Variants in ARHGAP24 observed in about 807,000 individuals in gnomAD.
The protein encoded by ARHGAP24 is rho GTPase-activating protein 24.
In ARHGAP24, 50 loss-of-function variants were observed where a neutral mutation model predicts 76.4. The observed-to-expected ratio is 0.65, with a 90% CI of 0.52 to 0.83. The LOEUF (loss-of-function observed/expected upper bound fraction) is 0.83, where lower values mean the gene tolerates loss of function less well. Among genes scored for constraint, ARHGAP24 ranks in the 40% least tolerant of loss-of-function variants. The pLI, the probability that ARHGAP24 is intolerant of heterozygous loss-of-function variation, is 0.00. For missense variants in ARHGAP24, 930 were observed against 914.2 expected (o/e 1.02, Z -0.22); for synonymous variants, 345 against 323.3 (o/e 1.07, Z -0.72).
chr4:85,786,351 G>A (rs533423610), intron 3 of ARHGAP24, among the ~76,000 whole-genome samples: 1 of 152,256 alleles, frequency 6.6e-6, no homozygotes, highest in East Asian at 1.9e-4. Flanking sequence ...GCTGTCAGCA[G>A]GAATAACATC....
intron 3 of ARHGAP24, among the ~76,000 whole-genome samples, chr4:85,831,971 A>G (rs1338351284): frequency 2.0e-5 from 3 of 151,452 alleles, no homozygotes; most frequent in Non-Finnish European, 4.4e-5. Context: ...TTTTAAACGT[A>G]GGTTTTATTA....
intron 3 of ARHGAP24, among the ~76,000 whole-genome samples, chr4:85,772,637 G>A (rs1560625230): frequency 6.6e-6 from 1 of 152,118 alleles, no homozygotes; most frequent in Non-Finnish European, 1.5e-5. Flanking sequence ...AAGTCTTCCA[G>A]ACATGAAGAT....
chr4:85,919,482 C>T (rs1232201047), intron 3 of ARHGAP24, among the ~76,000 whole-genome samples: 1 of 152,092 alleles, frequency 6.6e-6, no homozygotes, highest in Non-Finnish European at 1.5e-5. Flanking sequence ...TATATTTACA[C>T]AAAGAATCAT....
At chr4:85,843,406 CG>C (rs1730708538) in intron 3 of ARHGAP24, among the ~76,000 whole-genome samples, 1 of 151,748 alleles carries the variant, frequency 6.6e-6, no homozygotes, top group Non-Finnish European at 1.5e-5. Flanking sequence ...AAACTCAAGA[CG>C]CAAATAGCAG....
intron 5 of ARHGAP24, among the ~76,000 whole-genome samples, chr4:85,950,369 G>A (rs1737540479): frequency 6.6e-6 from 1 of 152,062 alleles, no homozygotes; most frequent in Admixed American, 6.5e-5. Context: ...CTTTGGTGGT[G>A]CACAGTGGTA....
At chr4:85,919,586 G>T (rs1735613021) in intron 3 of ARHGAP24, among the ~76,000 whole-genome samples, 1 of 152,138 alleles carries the variant, frequency 6.6e-6, no homozygotes, top group South Asian at 2.1e-4. Context: ...ATGGGATTTT[G>T]TATCTGTGAT....
intron 3 of ARHGAP24, among the ~76,000 whole-genome samples, chr4:85,745,065 T>A (rs1238351263): frequency 6.6e-6 from 1 of 152,112 alleles, no homozygotes; most frequent in East Asian, 1.9e-4. Flanking sequence ...AGCAAGGTGC[T>A]TTCATCCTTA....
At chr4:85,886,975 C>G (rs1384876739) in intron 3 of ARHGAP24, among the ~76,000 whole-genome samples, 1 of 152,022 alleles carries the variant, frequency 6.6e-6, no homozygotes, top group East Asian at 1.9e-4. Flanking sequence ...ATCTCATTAT[C>G]AATCAGATAA....
At chr4:85,541,142 C>CTTTTTTTTTTTTTTTTTTTTTTTTTTT (rs70948733) in intron 1 of ARHGAP24, among the ~76,000 whole-genome samples, 1 of 49,740 alleles carries the variant, frequency 2.0e-5, no homozygotes, top group Non-Finnish European at 3.1e-5. Flanking sequence ...CATCCATGAC[C>CTTTTTTTTTTTTTTTTTTTTTTTTTTT]TTTTTTTTTT....
At chr4:85,706,020 G>T (rs1046124299) in intron 2 of ARHGAP24, among the ~76,000 whole-genome samples, 1 of 152,146 alleles carries the variant, frequency 6.6e-6, no homozygotes, top group Non-Finnish European at 1.5e-5. Context: ...GGTTGCAGGG[G>T]AGAGGGCACA....
intron 4 of ARHGAP24, among the ~76,000 whole-genome samples, chr4:85,925,695 C>T (rs186969): frequency 0.32 from 48,692 of 151,942 alleles, 8,064 homozygotes; most frequent in East Asian, 0.57. Flanking sequence ...TGTATGTATA[C>T]GAAAAATATA....
intron 2 of ARHGAP24, among the ~76,000 whole-genome samples, chr4:85,586,074 C>T (rs556107413): frequency 1.3e-5 from 2 of 152,184 alleles, no homozygotes; most frequent in South Asian, 4.1e-4. Flanking sequence ...GAGCATTTGC[C>T]CCACTCTGGG....
chr4:85,724,475 T>C (rs1725083452), intron 3 of ARHGAP24, among the ~76,000 whole-genome samples: 2 of 147,714 alleles, frequency 1.4e-5, no homozygotes, highest in African/African-American at 2.5e-5. Context: ...TATGTCCTTA[T>C]AATTTTTCCA....
chr4:85,529,856 G>A (rs1467192898), intron 1 of ARHGAP24, among the ~76,000 whole-genome samples: 5 of 151,916 alleles, frequency 3.3e-5, no homozygotes, highest in African/African-American at 4.8e-5. Flanking sequence ...GACTATGAGG[G>A]TTATTCCTTT....
chr4:85,769,682 C>T (rs896606660), intron 3 of ARHGAP24, among the ~76,000 whole-genome samples: 6 of 151,194 alleles, frequency 4.0e-5, no homozygotes, highest in Non-Finnish European at 8.8e-5. Flanking sequence ...ACTCTGTCAC[C>T]GGGCAAGCGA....
At chr4:85,898,006 CAT>C (rs10561420) in intron 3 of ARHGAP24, among the ~76,000 whole-genome samples, 1 of 134,172 alleles carries the variant, frequency 7.5e-6, no homozygotes, top group Admixed American at 8.3e-5. Context: ...TATATATACA[CAT>C]ATATATATAC....
intron 3 of ARHGAP24, among the ~76,000 whole-genome samples, chr4:85,792,211 C>T (rs540858145): frequency 6.6e-6 from 1 of 152,048 alleles, no homozygotes; most frequent in African/African-American, 2.4e-5. Context: ...TAATGTCATA[C>T]TCCAATAAAA....
chr4:85,932,716 A>G (rs939728508), intron 4 of ARHGAP24, among the ~76,000 whole-genome samples: 1 of 152,182 alleles, frequency 6.6e-6, no homozygotes, highest in African/African-American at 2.4e-5. Context: ...CAGGATGAAG[A>G]GTTTTTTTTA....
chr4:85,497,292 C>T (rs1723619956), intron 1 of ARHGAP24, among the ~76,000 whole-genome samples: 2 of 152,322 alleles, frequency 1.3e-5, no homozygotes, highest in African/African-American at 4.8e-5. Context: ...TTTCATGTCT[C>T]AGCTCTGTCA....
Sources: gnomAD v4.1 joint callset for allele counts (sites outside exome capture counted in the v4.1 genomes callset) on GRCh38, gnomAD v4.1.1 for gene constraint, MANE v1.5 for transcripts, NCBI Gene and HGNC (gene_info 2026-07-23, HGNC 2026-07-21) for gene names.